Variants in MARCHF6 observed in about 807,000 individuals in gnomAD.
MARCHF6 encodes the protein E3 ubiquitin-protein ligase MARCHF6.
A neutral mutation model predicts 133.7 loss-of-function variants in MARCHF6; 31 were observed. The ratio of observed to expected loss-of-function variants is 0.23; its 90% CI spans 0.17 to 0.31. The LOEUF is 0.31. Ranked by LOEUF, MARCHF6 falls within the 10% of genes least tolerant of loss-of-function variation. The pLI, the probability that MARCHF6 is intolerant of heterozygous loss-of-function variation, is 1.00. For missense variants in MARCHF6, 723 were observed against 1,121.6 expected, an observed-to-expected ratio of 0.64 and a Z score of 5.08; for synonymous variants, 395 against 402.5, an observed-to-expected ratio of 0.98 and a Z score of 0.22.
chr5:10,374,785 CCA>C (rs1736671804), intron 1 of MARCHF6, among the ~76,000 whole-genome samples: 1 of 152,212 alleles, frequency 6.6e-6, no homozygotes, highest in African/African-American at 2.4e-5. Flanking sequence ...TTCCAGGAAA[CCA>C]GAGCCCTTTG....
At chr5:10,421,895 C>T (rs1445153256) in intron 22 of MARCHF6, 1 of 152,250 alleles carries the variant, frequency 6.6e-6, no homozygotes, top group Non-Finnish European at 1.5e-5. Context: ...CTCCTTGAGG[C>T]TGCAGAGGAA....
At chr5:10,410,690 C>G (rs1468298417) in intron 18 of MARCHF6, among the ~76,000 whole-genome samples, 2 of 151,970 alleles carry the variant, frequency 1.3e-5, no homozygotes. Flanking sequence ...TTTCCCCAAG[C>G]TTTATATACT....
chr5:10,381,792 G>A lies in MARCHF6; in HGVS notation c.191-8G>A, dbSNP rs775091901. ...ATGAAACTGTAAGTACTTTTTTTCC[G>A]CTTATAGTTTATTCTCCAGATATGC... On this transcript the variant is annotated splice_region_variant and splice_polypyrimidine_tract_variant and intron_variant, in intron 3 of 25. Transcript: ENST00000274140. 3.1e-5 allele frequency: 49 copies of A among 1,572,060 alleles called. No homozygotes were observed. Among genetic ancestry groups the A allele is most frequent in the South Asian group, 1.2e-4 (10 of 83,514 alleles).
At chr5:10,381,094 C>A (rs1332933193) in intron 3 of MARCHF6, among the ~76,000 whole-genome samples, 1 of 151,966 alleles carries the variant, frequency 6.6e-6, no homozygotes, top group Non-Finnish European at 1.5e-5. Flanking sequence ...GTTTGTTTTT[C>A]CTTTATGTTC....
Position 10,433,689 on chromosome 5 carries a change from G to T in MARCHF6, c.*5G>T. 6.2e-7 allele frequency: 1 copy of T among 1,613,292 alleles called. No individual in the cohort carries two copies. On this transcript the variant is annotated 3_prime_UTR_variant, in exon 26 of 26. Transcript: ENST00000274140. ...CCACAGTCATCCCAAGAATAAAGTA[G>T]TTGTCTCAACAACTTGACCTTCCCC...
intron 1 of MARCHF6, among the ~76,000 whole-genome samples, chr5:10,373,830 C>G (rs1338221624): frequency 6.6e-6 from 1 of 152,126 alleles, no homozygotes; most frequent in African/African-American, 2.4e-5. Flanking sequence ...GTAGCACATG[C>G]CAGTTTCAAA....
chr5:10,364,037 CGTAACT>C (rs1735980634), intron 1 of MARCHF6, among the ~76,000 whole-genome samples: 1 of 152,050 alleles, frequency 6.6e-6, no homozygotes, highest in Admixed American at 6.6e-5. Context: ...GTGATGGTTG[CGTAACT>C]GTAAATATAC....
chr5:10,415,505 T>C lies in MARCHF6; in HGVS notation c.1984T>C (p.Leu662=), dbSNP rs375311663. 85 of 1,612,900 alleles carry C rather than the reference T, an allele frequency of 5.3e-5. No homozygotes were observed. The highest frequency in any genetic ancestry group is 7.0e-5 in the Non-Finnish European group (82 of 1,179,166). The change falls in exon 21 of 26, where the codon TTA becomes CTA. Residue 662 remains leucine (L), a synonymous_variant. Transcript: ENST00000274140. The stretch of plus-strand genomic sequence containing the variant: ...ATTTTCAGTATTTGCTGGCCGTTGG[T>C]TAATGTCGTTTTGGACGGGGACTGC... ...LTLPVFAGRW[L]MSFWTGTAKI... is the part of the protein sequence containing the mutation.
rs753796001 is a variant in MARCHF6 at position 10,381,831 on chromosome 5, A to C, written c.222A>C (p.Pro74=). 51 of 1,609,814 alleles carry C rather than the reference A, an allele frequency of 3.2e-5. No individual in the cohort carries two copies. In the African/African-American group the frequency reaches 6.0e-4, roughly 19 times the overall value. The stretch of plus-strand genomic sequence containing the variant: ...CTCCAGATATGCCTTCACGGCTTCC[A>C]ATTCAAGACATATTTGCTGGACTGG... ...IYSPDMPSRL[P]IQDIFAGLVT... Residue 74 remains proline (P), a synonymous_variant, in exon 4 of 26, where the codon CCA becomes CCC. Transcript: ENST00000274140.
intron 1 of MARCHF6, among the ~76,000 whole-genome samples, chr5:10,370,350 G>C (rs1736396723): frequency 1.3e-5 from 2 of 151,884 alleles, no homozygotes; most frequent in Admixed American, 1.3e-4. Flanking sequence ...TGATCCTCTT[G>C]CCTGAGCCTC....
rs373954883 is a variant in MARCHF6 at position 10,395,433 on chromosome 5, C to A, written c.861+648C>A. On this transcript the variant is annotated intron_variant, in intron 9 of 25. Coordinates refer to ENST00000274140, the MANE Select transcript of MARCHF6 (RefSeq NM_005885.4). ...TCCCTATTTTCACAGTGAGACACCCCAGGCTGATGTTAGGTTTTCCTGTTT... is the reference window on the plus strand; with the variant it reads ...TCCCTATTTTCACAGTGAGACACCCAAGGCTGATGTTAGGTTTTCCTGTTT... Among the ~76,000 whole-genome samples the A allele has an allele frequency of 3.9e-5, 6 of 152,222 alleles. No homozygotes were observed. The South Asian group carries it at 8.3e-4, about 21-fold the overall frequency.
At chr5:10,399,901 A>G (rs1303312168) in intron 10 of MARCHF6, among the ~76,000 whole-genome samples, 1 of 152,154 alleles carries the variant, frequency 6.6e-6, no homozygotes, top group Admixed American at 6.5e-5. Context: ...CATGTTTTAC[A>G]TCTGTCCATC....
chr5:10,355,999 A>G (rs909762761), intron 1 of MARCHF6, among the ~76,000 whole-genome samples: 1 of 152,228 alleles, frequency 6.6e-6, no homozygotes, highest in Non-Finnish European at 1.5e-5. Context: ...AGTGAATTTT[A>G]GTGCCGTATT....
intron 15 of MARCHF6, among the ~76,000 whole-genome samples, chr5:10,404,415 G>A (rs1022631685): frequency 7.2e-5 from 11 of 152,092 alleles, no homozygotes; most frequent in Non-Finnish European, 1.3e-4. Flanking sequence ...TTAGTGATTT[G>A]AAGATGATGA....
chr5:10,406,940 A>G (rs1738933017), intron 16 of MARCHF6, among the ~76,000 whole-genome samples, 162 bp from the exon 17 acceptor site: 1 of 152,222 alleles, frequency 6.6e-6, no homozygotes, highest in African/African-American at 2.4e-5. Flanking sequence ...AAACATTTTT[A>G]TACAAAATGA....
chr5:10,363,809 G>A lies in MARCHF6; in HGVS notation c.19+9892G>A, dbSNP rs1038709411. ...TAAGTACTGATGCATGGTACAACTT[G>A]GATAAATCTCATAAACATTAGGATA... is the stretch of plus-strand genomic sequence containing the variant. On this transcript the variant is annotated intron_variant, in intron 1 of 25. Transcript: ENST00000274140. 2.6e-5 allele frequency among the ~76,000 whole-genome samples: 4 copies of A among 152,256 alleles called. No homozygotes were observed. The South Asian group carries it at 8.3e-4, about 32-fold the overall frequency.
intron 22 of MARCHF6, among the ~76,000 whole-genome samples, chr5:10,420,556 G>A (rs1010964970): frequency 6.6e-6 from 1 of 152,170 alleles, no homozygotes; most frequent in Non-Finnish European, 1.5e-5. Flanking sequence ...CCTGGAAAAG[G>A]CCAGAGCATC....
rs1739564439 is a variant in MARCHF6, at chr5:10,417,279, A to G, written c.2158A>G (p.Thr720Ala). 6.2e-7 allele frequency: 1 copy of G among 1,609,870 alleles called. No homozygotes were observed. Among genetic ancestry groups the G allele is most frequent in the Non-Finnish European group, 8.5e-7 (1 of 1,179,050 alleles). ...TCCTGTTTCCTAATAGATCATGAAGACTTTGATAGTTGCGGTGCTGTTGGC... is the reference window on the plus strand; with the variant it reads ...TCCTGTTTCCTAATAGATCATGAAGGCTTTGATAGTTGCGGTGCTGTTGGC... ...VKEWSLMIMKTLIVAVLLAGV... is the reference protein window; with the variant it reads ...VKEWSLMIMKALIVAVLLAGV... Residue 720 changes from threonine to alanine, a missense_variant, in exon 22 of 26, where the codon ACT becomes GCT. Thr to Ala is a moderately conservative substitution (Grantham distance 58). Coordinates refer to ENST00000274140, the MANE Select transcript of MARCHF6 (RefSeq NM_005885.4).
intron 1 of MARCHF6, among the ~76,000 whole-genome samples, chr5:10,365,425 C>T (rs779102725): frequency 4.6e-5 from 7 of 151,808 alleles, no homozygotes; most frequent in Non-Finnish European, 8.8e-5. Context: ...CTCAGCCTCC[C>T]GAGTAGCTGG....
Sources: allele counts gnomAD v4.1 joint callset (sites outside exome capture counted in the v4.1 genomes callset), GRCh38; gene constraint gnomAD v4.1.1; transcripts MANE v1.5; gene names NCBI Gene and HGNC (gene_info 2026-07-23, HGNC 2026-07-21).